Variants in RELL1 observed in about 807,000 individuals in gnomAD.
RELL1 encodes the protein RELT like 1, also known as RELT-like protein 1.
Under a neutral mutation model 23.0 loss-of-function variants are expected in RELL1, and 10 were observed. The observed-to-expected ratio is 0.43, with a 90% confidence interval of 0.27 to 0.74. RELL1 has a LOEUF of 0.74. Ranked by LOEUF, RELL1 falls within the 30% of genes least tolerant of loss-of-function variation. RELL1 has a pLI of 0.19. For synonymous variants in RELL1, 146 were observed against 146.8 expected, an observed-to-expected ratio of 0.99 and a Z score of 0.04; for missense variants, 315 against 364.4, an observed-to-expected ratio of 0.86 and a Z score of 1.10.
chr4:37,616,349 C>G (rs1463254002), intron 6 of RELL1, among the ~76,000 whole-genome samples: 3 of 152,210 alleles, frequency 2.0e-5, no homozygotes, highest in African/African-American at 4.8e-5. Flanking sequence ...ACAAAGCTAC[C>G]TCCATGCTGC....
At chr4:37,622,830 G>A (rs1350588910) in intron 6 of RELL1, 6 of 430,868 alleles carry the variant, frequency 1.4e-5, no homozygotes, top group African/African-American at 4.4e-5. Flanking sequence ...CTGAGACAGA[G>A]TCTTGCTGTT....
intron 6 of RELL1, among the ~76,000 whole-genome samples, chr4:37,628,874 A>G (rs1484886991): frequency 6.6e-6 from 1 of 152,218 alleles, no homozygotes; most frequent in Non-Finnish European, 1.5e-5. Flanking sequence ...TGCAGAGAAT[A>G]TCTCATTGTA....
chr4:37,598,252 C>CAAAAAAAAAAAAAA (rs56142508), intron 6 of RELL1, among the ~76,000 whole-genome samples: 4 of 11,342 alleles, frequency 3.5e-4, no homozygotes, highest in South Asian at 1.8e-3. Flanking sequence ...AACTCTGTCT[C>CAAAAAAAAAAAAAA]AAAAAAAAAA....
rs556663280 is a variant in RELL1, at chr4:37,629,493, CTGT to C, written c.*3+1889_*3+1891del. Among the ~76,000 whole-genome samples the C allele has an allele frequency of 5.3e-5, 8 of 152,332 alleles. No homozygotes were observed. The East Asian group carries it at 1.5e-3, about 29-fold the overall frequency. On this transcript the variant is annotated intron_variant, in intron 6 of 6. Transcript: ENST00000454158. ...TAGAATATTGAATTAACGTTAGCTG[CTGT>C]TATTACCCATCTTCATCATCCTCTT...
At position 37,611,110 on chromosome 4, in the gene RELL1, A is replaced by AAAG. The variant is rs58334461; in HGVS notation, c.*2233_*2235dup. On this transcript the variant is annotated 3_prime_UTR_variant, in exon 7 of 7. Transcript: ENST00000454158. ...TGCCTGTTGTATTGCTATTTAAAAA[A>AAAG]AAGTGCTCTGACTTGAATAAGATGG... Among the ~76,000 whole-genome samples the AAAG allele has an allele frequency of 0.12, 18,560 of 152,202 alleles. 1,236 individuals carry two copies. Among genetic ancestry groups the AAAG allele is most frequent in the East Asian group, 0.28 (1,449 of 5,172 alleles).
At chr4:37,665,471 T>C in intron 1 of RELL1, 1 of 359,842 alleles carries the variant, frequency 2.8e-6, no homozygotes, top group Non-Finnish European at 5.5e-6. Context: ...AGGACTCCAA[T>C]TCATCCCCAA....
At chr4:37,647,333 T>A in intron 3 of RELL1, 35 bp downstream of exon 3, 1 of 1,461,554 alleles carries the variant, frequency 6.8e-7, no homozygotes, top group Non-Finnish European at 9.6e-7. Context: ...AGGATAGGAA[T>A]ACTGAATTGT....
At chr4:37,679,022 G>A (rs1336574789) in intron 1 of RELL1, among the ~76,000 whole-genome samples, 1 of 152,108 alleles carries the variant, frequency 6.6e-6, no homozygotes, top group Non-Finnish European at 1.5e-5. Context: ...AGAAGAAGCC[G>A]GGGGCCTTGG....
intron 1 of RELL1, among the ~76,000 whole-genome samples, chr4:37,675,175 A>G (rs929514299): frequency 2.6e-5 from 4 of 152,262 alleles, no homozygotes; most frequent in Admixed American, 2.0e-4. Context: ...CAAAATCTAC[A>G]TTCAATTTAT....
Position 37,598,113 on chromosome 4 carries a change from T to G in RELL1, c.*4-6896A>C, listed in dbSNP as rs372005695. On this transcript the variant is annotated intron_variant, in intron 6 of 6. Transcript: ENST00000314117. ...TATATATAACTCCTCCTATAGCTAC[T>G]TTTCTGCAAATAACTGCATTAGTCA... 3.9e-5 allele frequency among the ~76,000 whole-genome samples: 5 copies of G among 126,666 alleles called. No individual in the cohort carries two copies. In the East Asian group the frequency reaches 8.4e-4, roughly 21 times the overall value. 83.1% of individuals were successfully genotyped at this position (126,666 alleles called of 152,430 possible).
At chr4:37,604,846 C>CAT (rs1719128579) in intron 6 of RELL1, among the ~76,000 whole-genome samples, 1 of 106,606 alleles carries the variant, frequency 9.4e-6, no homozygotes, top group Admixed American at 9.0e-5. Flanking sequence ...CACAGACACA[C>CAT]ACACAGACAC....
At chr4:37,587,664 G>C (rs1048180788), downstream of RELL1, among the ~76,000 whole-genome samples, 1 of 152,144 alleles carries the variant, frequency 6.6e-6, no homozygotes, top group African/African-American at 2.4e-5. Flanking sequence ...ATTCTGTTTT[G>C]GCTTGTCTTT....
At chr4:37,622,668 G>C (rs1719807127) in intron 6 of RELL1, among the ~76,000 whole-genome samples, 1 of 152,230 alleles carries the variant, frequency 6.6e-6, no homozygotes, top group East Asian at 1.9e-4. Context: ...GGGAGGTGCA[G>C]GGGAGAAAAG....
chr4:37,636,654 T>C (rs1720342783), intron 4 of RELL1, among the ~76,000 whole-genome samples: 1 of 149,428 alleles, frequency 6.7e-6, no homozygotes, highest in African/African-American at 2.5e-5. Flanking sequence ...TCAAAAAGCA[T>C]GTGTGAAGGC....
At chr4:37,645,858 C>A (rs1254004339) in intron 3 of RELL1, among the ~76,000 whole-genome samples, 1 of 152,234 alleles carries the variant, frequency 6.6e-6, no homozygotes, top group Admixed American at 6.5e-5. Context: ...TACGAAACTG[C>A]TGTTTCTCTA....
Position 37,634,990 on chromosome 4 carries a change from G to C in RELL1, c.577C>G (p.His193Asp), listed in dbSNP as rs749088853. 2 of 1,614,238 alleles carry C rather than the reference G, an allele frequency of 1.2e-6. No individual in the cohort carries two copies. The highest frequency in any genetic ancestry group is 1.1e-5 in the South Asian group (1 of 91,078). ...TGCCACCGCTTGTGCCTACACCGATGACACACATCCCTCTCGACAACACCG... is the reference window on the plus strand; with the variant it reads ...TGCCACCGCTTGTGCCTACACCGATCACACACATCCCTCTCGACAACACCG... ...VGGVVERDVCHRCRHKRWHFI... is the reference protein window; with the variant it reads ...VGGVVERDVCDRCRHKRWHFI... The change falls in exon 5 of 7, where the codon CAT becomes GAT. Residue 193 changes from histidine (H) to aspartate (D), a missense_variant. Coordinates refer to ENST00000454158, the MANE Select transcript of RELL1 (RefSeq NM_001085400.2).
At chr4:37,680,552 G>T (rs2109317694) in intron 1 of RELL1, among the ~76,000 whole-genome samples, 1 of 152,282 alleles carries the variant, frequency 6.6e-6, no homozygotes, top group South Asian at 2.1e-4. Context: ...AAACATTTCT[G>T]TGTAACATAA....
At chr4:37,679,835 C>T (rs901216131) in intron 1 of RELL1, among the ~76,000 whole-genome samples, 6 of 151,994 alleles carry the variant, frequency 3.9e-5, no homozygotes, top group African/African-American at 1.2e-4. Context: ...GCCTGTAATC[C>T]CAGCTACTCG....
At chr4:37,676,587 T>C (rs1722030503) in intron 1 of RELL1, among the ~76,000 whole-genome samples, 1 of 152,148 alleles carries the variant, frequency 6.6e-6, no homozygotes. Flanking sequence ...GTTATTATCA[T>C]TCTTGGCAGT....
Sources: gnomAD v4.1 joint callset for allele counts (sites outside exome capture counted in the v4.1 genomes callset) on GRCh38, gnomAD v4.1.1 for gene constraint, MANE v1.5 for transcripts, NCBI Gene and HGNC (gene_info 2026-07-23, HGNC 2026-07-21) for gene names.